The following ERICH1 variants were observed in gnomAD, a reference collection of about 807,000 sequenced individuals.
The protein encoded by ERICH1 is glutamate-rich protein 1.
A neutral mutation model predicts 39.6 loss-of-function variants in ERICH1; 56 were observed. That is an observed-to-expected ratio of 1.41 (90% CI 1.14 to 1.77). The LOEUF (loss-of-function observed/expected upper bound fraction) is 1.77. ERICH1 is among the 40% of genes most tolerant of loss of function. The pLI, the probability that ERICH1 is intolerant of heterozygous loss-of-function variation, is 0.00. For missense variants in ERICH1, 826 were observed against 575.4 expected (o/e 1.44, Z -4.45); for synonymous variants, 313 against 223.6 (o/e 1.40, Z -3.57).
At position 673,520 on chromosome 8, in the gene ERICH1, T is replaced by A; in HGVS notation, c.832A>T (p.Ile278Phe). ...DAREEDGVDTIEEDLTRAGEE... is the reference protein window; with the variant it reads ...DAREEDGVDTFEEDLTRAGEE... The stretch of plus-strand genomic sequence containing the variant: ...CCGGCCCGTGTCAGGTCTTCCTCAA[T>A]GGTGTCCACACCGTCCTCCTCCCTG... Residue 278 changes from isoleucine (I) to phenylalanine (F), a missense_variant, in exon 4 of 6, where the codon ATT (isoleucine) becomes TTT (phenylalanine). Transcript: ENST00000262109. 1.2e-6 allele frequency: 2 copies of A among 1,612,984 alleles called. No individual in the cohort carries two copies. The highest frequency in any genetic ancestry group is 8.5e-7 in the Non-Finnish European group (1 of 1,179,766).
chr8:687,715 C>G (rs943097761), intron 3 of ERICH1, among the ~76,000 whole-genome samples: 1 of 152,154 alleles, frequency 6.6e-6, no homozygotes, highest in Admixed American at 6.5e-5. Flanking sequence ...GTCGGCAGAA[C>G]TGCGGCCAGT....
At chr8:717,877 G>C (rs937492752) in intron 1 of ERICH1, among the ~76,000 whole-genome samples, 16 of 152,240 alleles carry the variant, frequency 1.1e-4, no homozygotes, top group Non-Finnish European at 2.9e-5. Context: ...GACAGTCCCA[G>C]GGACGGGGGC....
chr8:702,073 T>C (rs1397361950), intron 2 of ERICH1, among the ~76,000 whole-genome samples: 4 of 58,186 alleles, frequency 6.9e-5, no homozygotes, highest in Admixed American at 2.9e-4. Flanking sequence ...CGGGACTACA[T>C]CTCAAAAAAA....
Position 727,580 on chromosome 8 carries a change from C to T in ERICH1, c.22+3560G>A, listed in dbSNP as rs562862298. 1.6e-4 allele frequency among the ~76,000 whole-genome samples: 25 copies of T among 152,338 alleles called. No homozygotes were observed. In the South Asian group the frequency reaches 5.2e-3, roughly 32 times the overall value. On this transcript the variant is annotated intron_variant, in intron 1 of 5. Transcript: ENST00000262109. ...CAAGGGCGAGTGAAGCTGTCCTGTG[C>T]GTGCAGCAGTCACAGCAAGAATGGA... is the stretch of plus-strand genomic sequence containing the variant.
intron 2 of ERICH1, among the ~76,000 whole-genome samples, chr8:693,201 CACAG>C (rs1286416821): frequency 6.6e-6 from 1 of 152,000 alleles, no homozygotes; most frequent in African/African-American, 2.4e-5. Context: ...AACAAACACA[CACAG>C]ACACAGACAT....
intron 1 of ERICH1, among the ~76,000 whole-genome samples, chr8:721,795 G>A (rs1817381803): frequency 6.6e-6 from 1 of 152,192 alleles, no homozygotes; most frequent in South Asian, 2.1e-4. Context: ...CCAGGACACA[G>A]TGAAGCATTT....
At chr8:616,353 C>G in intron 3 of ERICH1, 1 of 344,446 alleles carries the variant, frequency 2.9e-6, no homozygotes, top group South Asian at 2.2e-5. Flanking sequence ...AGACAGGCTC[C>G]TGTCGGCCAG....
At position 668,707 on chromosome 8, in the gene ERICH1, G is replaced by A; in HGVS notation, c.1149C>T (p.Pro383=). The stretch of plus-strand genomic sequence containing the variant: ...TGTGGTACAGGATGGACACGTCTGA[G>A]GGCAGCATGCTGTGTGACGCAAGGC... The part of the protein sequence containing the change: ...LDRLASHSML[P]SDVSILYHMK... Residue 383 remains proline (P), a synonymous_variant, in exon 5 of 6, where the codon CCC becomes CCT. Coordinates refer to ENST00000262109, the MANE Select transcript of ERICH1 (RefSeq NM_207332.3). The A allele has an allele frequency of 4.3e-6, 7 of 1,613,910 alleles. No individual in the cohort carries two copies. The highest frequency in any genetic ancestry group is 1.1e-5 in the South Asian group (1 of 91,070).
chr8:683,507 GCT>G (rs959866708), intron 3 of ERICH1, among the ~76,000 whole-genome samples: 54 of 152,074 alleles, frequency 3.6e-4, no homozygotes, highest in African/African-American at 1.2e-3. Flanking sequence ...ATGGATTCTC[GCT>G]CTCTCTCTCT....
intron 1 of ERICH1, among the ~76,000 whole-genome samples, chr8:716,528 C>T (rs1402800445): frequency 6.6e-6 from 1 of 152,228 alleles, no homozygotes; most frequent in Admixed American, 6.5e-5. Context: ...CTGAACGTGT[C>T]AACAACTGCG....
chr8:673,061 G>A (rs6559064), intron 4 of ERICH1, among the ~76,000 whole-genome samples: 137,710 of 152,178 alleles, frequency 0.9, 62,419 homozygotes, highest in South Asian at 0.95. Flanking sequence ...CGCCAGGGGC[G>A]CATGCCCATC....
chr8:681,371 C>T (rs554869074), intron 3 of ERICH1, among the ~76,000 whole-genome samples: 4 of 152,346 alleles, frequency 2.6e-5, no homozygotes, highest in African/African-American at 4.8e-5. Context: ...ATTTAAAACA[C>T]GTGCCTGCAT....
At chr8:704,515 T>TCACTC in intron 2 of ERICH1, among the ~76,000 whole-genome samples, 1 of 152,196 alleles carries the variant, frequency 6.6e-6, no homozygotes, top group East Asian at 1.9e-4. Context: ...AAAGCTCTGC[T>TCACTC]CACTCCACTA....
At chr8:633,875 A>T (rs1455918706) in intron 3 of ERICH1, among the ~76,000 whole-genome samples, 1 of 152,224 alleles carries the variant, frequency 6.6e-6, no homozygotes, top group Non-Finnish European at 1.5e-5. Flanking sequence ...TACAGCTGAC[A>T]AAAATCAGTG....
intron 1 of ERICH1, among the ~76,000 whole-genome samples, chr8:729,119 C>A (rs754203963): frequency 2.0e-5 from 3 of 152,192 alleles, no homozygotes; most frequent in Non-Finnish European, 2.9e-5. Context: ...GGGAGGGATA[C>A]CGTGCCTGAT....
intron 5 of ERICH1, chr8:666,156 G>C (rs1158394476): frequency 6.6e-6 from 1 of 152,154 alleles, no homozygotes; most frequent in East Asian, 1.9e-4. Flanking sequence ...CACAAAACCT[G>C]TCTGATGATT....
At chr8:681,787 G>A (rs191848733) in intron 3 of ERICH1, among the ~76,000 whole-genome samples, 10 of 152,188 alleles carry the variant, frequency 6.6e-5, no homozygotes, top group Non-Finnish European at 8.8e-5. Flanking sequence ...GAGACTGCCC[G>A]GCTGAGCCTT....
intron 3 of ERICH1, among the ~76,000 whole-genome samples, chr8:621,486 T>C (rs939691453): frequency 4.0e-5 from 6 of 151,690 alleles, no homozygotes; most frequent in African/African-American, 1.2e-4. Context: ...TTGTCAACTA[T>C]ATGTTAATAA....
chr8:687,382 G>A (rs902946896), intron 3 of ERICH1, among the ~76,000 whole-genome samples: 3 of 152,244 alleles, frequency 2.0e-5, no homozygotes, highest in African/African-American at 7.2e-5. Context: ...CAGGCGCCAG[G>A]ATAAGGCTCC....
Sources: allele counts gnomAD v4.1 joint callset (sites outside exome capture counted in the v4.1 genomes callset), GRCh38; gene constraint gnomAD v4.1.1; transcripts MANE v1.5; gene names NCBI Gene and HGNC (gene_info 2026-07-23, HGNC 2026-07-21).